The following FRMD6 variants were observed in gnomAD, a reference collection of about 807,000 sequenced individuals.
The protein encoded by FRMD6 is FERM domain-containing protein 6.
FRMD6 carries 37 observed loss-of-function variants against 73.2 expected under a neutral mutation model. The ratio of observed to expected loss-of-function variants is 0.51; its 90% CI spans 0.39 to 0.66. FRMD6 has a LOEUF of 0.66. Ranked by LOEUF, FRMD6 falls within the 30% of genes least tolerant of loss-of-function variation. FRMD6 has a pLI of 0.00. For synonymous variants in FRMD6, 273 were observed against 282.2 expected, an observed-to-expected ratio of 0.97 and a Z score of 0.33; for missense variants, 714 against 780.5, an observed-to-expected ratio of 0.91 and a Z score of 1.02.
upstream of FRMD6, chr14:51,650,859 G>A (rs1435299271): frequency 6.6e-6 from 1 of 152,338 alleles, no homozygotes; most frequent in Non-Finnish European, 1.5e-5. Flanking sequence ...GTGGCCAGGG[G>A]TCATTGGGTC....
intron 1 of FRMD6, among the ~76,000 whole-genome samples, chr14:51,534,075 G>A (rs1359602327): frequency 2.0e-5 from 3 of 152,230 alleles, no homozygotes; most frequent in Non-Finnish European, 4.4e-5. Flanking sequence ...CCAGTGCCTT[G>A]CACAACCAAG....
intron 7 of FRMD6, among the ~76,000 whole-genome samples, chr14:51,710,726 A>G (rs891335574): frequency 6.6e-6 from 1 of 152,222 alleles, no homozygotes; most frequent in African/African-American, 2.4e-5. Context: ...GGGAAATCTC[A>G]TAATGAAAAT....
At chr14:51,463,180 C>T in the FRMD6 span, among the ~76,000 whole-genome samples, 1 of 152,190 alleles carries the variant, frequency 6.6e-6, no homozygotes, top group African/African-American at 2.4e-5. Context: ...CTCAATTTCA[C>T]TCAGGTAGCC....
At chr14:51,422,321 G>C in the FRMD6 span, among the ~76,000 whole-genome samples, 254 of 151,962 alleles carry the variant, frequency 1.7e-3, 2 homozygotes, top group East Asian at 0.027. Flanking sequence ...TTATGTAATG[G>C]GCCAAGAATG....
At chr14:51,555,908 C>T (rs1254766128) in intron 1 of FRMD6, among the ~76,000 whole-genome samples, 1 of 151,912 alleles carries the variant, frequency 6.6e-6, no homozygotes, top group Non-Finnish European at 1.5e-5. Context: ...CTGCTTACTT[C>T]CTATGTAAGG....
intron 2 of FRMD6, among the ~76,000 whole-genome samples, chr14:51,631,639 T>C (rs1049722045): frequency 1.3e-5 from 2 of 152,178 alleles, no homozygotes; most frequent in African/African-American, 4.8e-5. Context: ...TTCTGGTAAT[T>C]GGGGATTATT....
chr14:51,435,419 T>A, the FRMD6 span, among the ~76,000 whole-genome samples: 94,381 of 132,164 alleles, frequency 0.71, 30,710 homozygotes, highest in African/African-American at 0.75. Context: ...CATCTCTATT[T>A]AAAAAAAAAA....
chr14:51,654,510 C>G (rs182653754), intron 1 of FRMD6, among the ~76,000 whole-genome samples: 140 of 151,114 alleles, frequency 9.3e-4, no homozygotes, highest in African/African-American at 3.3e-3. Context: ...TCACAACTAA[C>G]TTTTTTGATA....
At chr14:51,435,369 A>T in the FRMD6 span, among the ~76,000 whole-genome samples, 13 of 151,740 alleles carry the variant, frequency 8.6e-5, no homozygotes, top group African/African-American at 3.1e-4. Flanking sequence ...TGAGCCCAAG[A>T]GTTCGAGACC....
At chr14:51,469,699 T>A in the FRMD6 span, among the ~76,000 whole-genome samples, 1 of 152,024 alleles carries the variant, frequency 6.6e-6, no homozygotes, top group Non-Finnish European at 1.5e-5. Context: ...AACATTTTAT[T>A]AAGAATTTTT....
At chr14:51,696,643 G>A (rs1362126377) in intron 2 of FRMD6, among the ~76,000 whole-genome samples, 1 of 151,762 alleles carries the variant, frequency 6.6e-6, no homozygotes, top group East Asian at 1.9e-4. Context: ...TGGGCATGGT[G>A]TCTCATCCCT....
At chr14:51,645,664 G>T (rs1892032483) in intron 2 of FRMD6, among the ~76,000 whole-genome samples, 1 of 151,828 alleles carries the variant, frequency 6.6e-6, no homozygotes, top group African/African-American at 2.4e-5. Context: ...TATCCAGGCT[G>T]GTCTCGAACT....
At chr14:51,517,631 C>T (rs1167286640) in intron 1 of FRMD6, among the ~76,000 whole-genome samples, 1 of 151,856 alleles carries the variant, frequency 6.6e-6, no homozygotes, top group African/African-American at 2.4e-5. Context: ...TCCTTAAGAC[C>T]CAATTACAAA....
intron 1 of FRMD6, among the ~76,000 whole-genome samples, chr14:51,501,285 G>A (rs1883607736): frequency 1.3e-5 from 2 of 152,104 alleles, no homozygotes; most frequent in Non-Finnish European, 2.9e-5. Flanking sequence ...TGTGTGCCAT[G>A]GTGGTTTGCT....
chr14:51,415,582 G>T, the FRMD6 span, among the ~76,000 whole-genome samples: 3 of 152,132 alleles, frequency 2.0e-5, no homozygotes, highest in Non-Finnish European at 2.9e-5. Context: ...TTTTTGCATT[G>T]ATGTTCATCA....
intron 1 of FRMD6, among the ~76,000 whole-genome samples, chr14:51,529,102 C>T (rs1332515276): frequency 1.3e-5 from 2 of 152,202 alleles, no homozygotes; most frequent in African/African-American, 2.4e-5. Context: ...CAGAACAGCC[C>T]TGCAGACCTA....
At chr14:51,558,714 A>G (rs1887298905) in intron 1 of FRMD6, among the ~76,000 whole-genome samples, 1 of 152,202 alleles carries the variant, frequency 6.6e-6, no homozygotes, top group African/African-American at 2.4e-5. Context: ...CAGTTACTAT[A>G]TAACATGTGG....
At chr14:51,538,984 A>G (rs1005186993) in intron 1 of FRMD6, among the ~76,000 whole-genome samples, 1 of 152,076 alleles carries the variant, frequency 6.6e-6, no homozygotes, top group East Asian at 1.9e-4. Context: ...CATTGCTAGC[A>G]TCTAGAAATA....
intron 11 of FRMD6, among the ~76,000 whole-genome samples, chr14:51,720,712 T>C (rs1482991164): frequency 6.6e-6 from 1 of 152,190 alleles, no homozygotes; most frequent in East Asian, 1.9e-4. Flanking sequence ...AAACAGTGGT[T>C]AGGACAGCAC....
Sources: gnomAD v4.1 joint callset for allele counts (sites outside exome capture counted in the v4.1 genomes callset) on GRCh38, gnomAD v4.1.1 for gene constraint, MANE v1.5 for transcripts, NCBI Gene and HGNC (gene_info 2026-07-23, HGNC 2026-07-21) for gene names.